SOX6: variants seen among roughly 807,000 people sequenced by gnomAD.
SOX6 encodes the protein transcription factor SOX-6.
In SOX6, 11 loss-of-function variants were observed where a neutral mutation model predicts 97.8. The observed-to-expected ratio is 0.11, with a 90% CI of 0.07 to 0.19. The LOEUF (loss-of-function observed/expected upper bound fraction) is 0.19, where lower values mean the gene tolerates loss of function less well. Among genes scored for constraint, SOX6 ranks in the 10% least tolerant of loss-of-function variants. The pLI, the probability that SOX6 is intolerant of heterozygous loss-of-function variation, is 1.00. For missense variants in SOX6, 810 were observed against 1,039.5 expected, an observed-to-expected ratio of 0.78 and a Z score of 3.04; for synonymous variants, 360 against 371.4, an observed-to-expected ratio of 0.97 and a Z score of 0.35.
intron 4 of SOX6, among the ~76,000 whole-genome samples, chr11:16,540,430 T>C (rs966134639): frequency 5.9e-5 from 9 of 152,190 alleles, no homozygotes; most frequent in African/African-American, 2.2e-4. Flanking sequence ...ATGCCCTCTC[T>C]CACCACTCCT....
At chr11:16,416,514 C>T (rs1590195061) in intron 1 of SOX6, among the ~76,000 whole-genome samples, 1 of 152,098 alleles carries the variant, frequency 6.6e-6, no homozygotes, top group African/African-American at 2.4e-5. Context: ...TAATTTGTAC[C>T]AGCTAAAAAG....
rs1852863021 is a variant in SOX6 at position 16,231,875 on chromosome 11, C to CA, written c.535+2706dup. ...ATCATTAAGTGGGGAAAATAGATTA[C>CA]AAAAAAATTATAATGGGATGATTCT... On this transcript the variant is annotated intron_variant, in intron 4 of 15. Coordinates refer to ENST00000683767, the MANE Select transcript of SOX6 (RefSeq NM_001367873.1). Among the ~76,000 whole-genome samples the CA allele has an allele frequency of 5.9e-5, 9 of 151,448 alleles. No individual in the cohort carries two copies. In the South Asian group the frequency reaches 1.9e-3, roughly 31 times the overall value.
chr11:16,559,686 A>G (rs1322061945), intron 4 of SOX6, among the ~76,000 whole-genome samples: 3 of 152,154 alleles, frequency 2.0e-5, no homozygotes, highest in Non-Finnish European at 4.4e-5. Context: ...ACAAAAATGC[A>G]CATTTCTACC....
At chr11:16,489,713 C>T (rs888511003) in intron 4 of SOX6, among the ~76,000 whole-genome samples, 2 of 152,066 alleles carry the variant, frequency 1.3e-5, no homozygotes, top group Non-Finnish European at 2.9e-5. Flanking sequence ...AACAGGTATA[C>T]TTAACATAGC....
At chr11:16,461,538 A>C (rs544603450) in intron 1 of SOX6, among the ~76,000 whole-genome samples, 1 of 152,160 alleles carries the variant, frequency 6.6e-6, no homozygotes, top group African/African-American at 2.4e-5. Context: ...TTCCTATCCC[A>C]TACTATGTGC....
intron 7 of SOX6, among the ~76,000 whole-genome samples, chr11:16,102,950 C>T (rs1220013902): frequency 6.6e-6 from 1 of 151,902 alleles, no homozygotes; most frequent in Admixed American, 6.6e-5. Flanking sequence ...AAAAACCCTT[C>T]TAGACATTGG....
intron 2 of SOX6, among the ~76,000 whole-genome samples, chr11:16,334,711 AG>A (rs1280407182): frequency 2.0e-5 from 3 of 152,178 alleles, no homozygotes; most frequent in African/African-American, 7.2e-5. Flanking sequence ...TACAGGTATG[AG>A]CCACCACGCC....
chr11:16,026,912 T>C (rs1431698751), intron 12 of SOX6, among the ~76,000 whole-genome samples: 1 of 152,160 alleles, frequency 6.6e-6, no homozygotes, highest in Non-Finnish European at 1.5e-5. Flanking sequence ...TTCAAAACAG[T>C]ACTCCAATAT....
chr11:16,553,885 A>C (rs1341570866), intron 4 of SOX6, among the ~76,000 whole-genome samples: 1 of 152,156 alleles, frequency 6.6e-6, no homozygotes, highest in Non-Finnish European at 1.5e-5. Context: ...TAAAAAGATG[A>C]AAAATAGACC....
chr11:16,062,250 G>T (rs1847975958), intron 9 of SOX6, among the ~76,000 whole-genome samples: 1 of 151,396 alleles, frequency 6.6e-6, no homozygotes, highest in African/African-American at 2.4e-5. Flanking sequence ...TAACAGTGTA[G>T]TTATTAACAG....
intron 4 of SOX6, among the ~76,000 whole-genome samples, chr11:16,578,375 T>C (rs192412362): frequency 1.3e-5 from 2 of 152,310 alleles, no homozygotes; most frequent in African/African-American, 4.8e-5. Flanking sequence ...TTTCCATCTT[T>C]GAACTTTACT....
At chr11:16,235,528 T>TA (rs1326279687) in intron 3 of SOX6, among the ~76,000 whole-genome samples, 1 of 152,074 alleles carries the variant, frequency 6.6e-6, no homozygotes, top group Non-Finnish European at 1.5e-5. Flanking sequence ...TCTTAACAAA[T>TA]AGGTCATGTT....
In SOX6 at chr11:16,060,335, A is replaced by G. The variant is rs191519579; in HGVS notation, c.1102-4434T>C. ...AAGGCAAGACCACATAAACTCTGAG[A>G]TTCCATAGAGCTGGTTCTTGTGAGT... On this transcript the variant is annotated intron_variant, in intron 9 of 15. Transcript: ENST00000683767. 2.8e-3 allele frequency among the ~76,000 whole-genome samples: 427 copies of G among 151,980 alleles called. 1 individual carries two copies. Among genetic ancestry groups the G allele is most frequent in the Non-Finnish European group, 2.6e-3 (176 of 67,840 alleles).
intron 6 of SOX6, among the ~76,000 whole-genome samples, chr11:16,141,561 C>T (rs980218666): frequency 1.3e-5 from 2 of 152,120 alleles, no homozygotes; most frequent in Admixed American, 1.3e-4. Context: ...CAAAGCATGG[C>T]AAGGCATCAC....
chr11:16,521,379 G>C (rs1232048171), intron 4 of SOX6, among the ~76,000 whole-genome samples: 1 of 152,174 alleles, frequency 6.6e-6, no homozygotes, highest in African/African-American at 2.4e-5. Context: ...AGGGTCAGGA[G>C]TGGACCTCTA....
rs1181795531 is a variant in SOX6, at chr11:16,683,893, AAAAC to A, written n.429+30933_429+30936del. On this transcript the variant is annotated intron_variant and non_coding_transcript_variant, in intron 3 of 5. Coordinates refer to the SOX6 transcript ENST00000524520. The stretch of plus-strand genomic sequence containing the variant: ...AGAACTTAAACAAATTTACAAGAAA[AAAAC>A]AAACAACTCCATCAAAAAGTGGGCA... 3.9e-5 allele frequency among the ~76,000 whole-genome samples: 6 copies of A among 152,240 alleles called. No homozygotes were observed. In the East Asian group the frequency reaches 9.6e-4, roughly 24 times the overall value.
At position 16,303,755 on chromosome 11, in the gene SOX6, C is replaced by T. The variant is rs1855336042; in HGVS notation, c.445+14691G>A. Among the ~76,000 whole-genome samples the T allele has an allele frequency of 2.6e-5, 4 of 152,274 alleles. No homozygotes were observed. The South Asian group carries it at 8.3e-4, about 32-fold the overall frequency. ...TGTTGAGTCTCCTAGTACATGAATA[C>T]AATATGTCTTGTCATATTTTTAGGT... is the stretch of plus-strand genomic sequence containing the variant. On this transcript the variant is annotated intron_variant, in intron 3 of 15. Transcript: ENST00000683767.
At chr11:16,669,005 A>C (rs1252281981) in intron 3 of SOX6, among the ~76,000 whole-genome samples, 1 of 152,216 alleles carries the variant, frequency 6.6e-6, no homozygotes, top group East Asian at 1.9e-4. Flanking sequence ...ATAAACAAAG[A>C]AACACTGTAC....
At chr11:16,522,796 C>A (rs1861089615) in intron 4 of SOX6, among the ~76,000 whole-genome samples, 1 of 152,054 alleles carries the variant, frequency 6.6e-6, no homozygotes, top group Non-Finnish European at 1.5e-5. Flanking sequence ...ATCTACCAAG[C>A]AAATGGAAAG....
Sources: gnomAD v4.1 joint callset for allele counts (sites outside exome capture counted in the v4.1 genomes callset) on GRCh38, gnomAD v4.1.1 for gene constraint, MANE v1.5 for transcripts, NCBI Gene and HGNC (gene_info 2026-07-23, HGNC 2026-07-21) for gene names.